The following APAF1 variants were observed in gnomAD, a reference collection of about 807,000 sequenced individuals.
The protein encoded by APAF1 is apoptotic peptidase activating factor 1.
A neutral mutation model predicts 152.4 loss-of-function variants in APAF1; 91 were observed. The observed-to-expected ratio is 0.60, with a 90% CI of 0.50 to 0.71. APAF1 has a LOEUF of 0.71. Among genes scored for constraint, APAF1 ranks in the 30% least tolerant of loss-of-function variants. The probability of loss-of-function intolerance (pLI) is 0.00; values close to 1 mark genes in which losing one functional copy is unlikely to be tolerated. For synonymous variants in APAF1, 484 were observed against 494.1 expected, an observed-to-expected ratio of 0.98 and a Z score of 0.27; for missense variants, 1,283 against 1,472.0, an observed-to-expected ratio of 0.87 and a Z score of 2.10.
At chr12:98,695,082 T>C (rs1158116319) in intron 16 of APAF1, among the ~76,000 whole-genome samples, 1 of 152,120 alleles carries the variant, frequency 6.6e-6, no homozygotes, top group Non-Finnish European at 1.5e-5. Context: ...AGATGGAGTC[T>C]TGCTCTGTTG....
chr12:98,687,922 G>A (rs936957305), intron 16 of APAF1, among the ~76,000 whole-genome samples: 4 of 151,852 alleles, frequency 2.6e-5, no homozygotes, highest in East Asian at 1.9e-4. Context: ...AGCGATTCTC[G>A]TGCCCCAGTC....
At chr12:98,726,389 C>T (rs1381577119) in intron 25 of APAF1, 10 of 152,338 alleles carry the variant, frequency 6.6e-5, no homozygotes, top group Admixed American at 6.5e-4. Flanking sequence ...ACTTTGGTAA[C>T]CAGTGTAGAT....
At chr12:98,699,637 T>C in intron 17 of APAF1, 68 bp downstream of exon 17, 1 of 1,544,776 alleles carries the variant, frequency 6.5e-7, no homozygotes, top group South Asian at 1.1e-5. Flanking sequence ...CATTTTTGCA[T>C]TTTACAATGT....
chr12:98,667,841 A>G (rs1241025095), intron 10 of APAF1, among the ~76,000 whole-genome samples, 197 bp downstream of exon 10: 1 of 129,670 alleles, frequency 7.7e-6, no homozygotes, highest in Non-Finnish European at 1.5e-5. Flanking sequence ...GCACAATCTC[A>G]GCTCATTACA....
Position 98,732,819 on chromosome 12 carries a change from C to T in APAF1, c.*253C>T, listed in dbSNP as rs2097764240. 1 of 429,108 alleles carries T rather than the reference C, an allele frequency of 2.3e-6. No homozygotes were observed. The highest frequency in any genetic ancestry group is 4.2e-6 in the Non-Finnish European group (1 of 237,020). 26.6% of individuals were successfully genotyped at this position (429,108 alleles called of 1,614,324 possible). A position where few individuals can be genotyped will look rare whatever the true frequency, so the allele number is the denominator to read the frequency against. On this transcript the variant is annotated 3_prime_UTR_variant, in exon 27 of 27. Coordinates refer to ENST00000551964, the MANE Select transcript of APAF1 (RefSeq NM_181861.2). ...TGCAAATGAAAATGTGAATACATAC[C>T]TTGTTGTACTGTTGGTAAAATTCTG...
intron 16 of APAF1, among the ~76,000 whole-genome samples, chr12:98,688,326 A>C (rs979341891): frequency 1.3e-5 from 2 of 151,688 alleles, no homozygotes; most frequent in African/African-American, 4.8e-5. Context: ...CTTGGTCTAC[A>C]TTTTTCCCTC....
At chr12:98,695,500 G>GTGCAGGTGT (rs2153331832) in intron 16 of APAF1, among the ~76,000 whole-genome samples, 2 of 152,274 alleles carry the variant, frequency 1.3e-5, no homozygotes, top group South Asian at 4.1e-4. Context: ...GAGGAGCTGG[G>GTGCAGGTGT]ACTACAGGTG....
intron 4 of APAF1, among the ~76,000 whole-genome samples, chr12:98,654,617 A>G (rs575707221): frequency 6.6e-6 from 1 of 152,020 alleles, no homozygotes; most frequent in African/African-American, 2.4e-5. Context: ...CATGTTGGCC[A>G]GGTTGGTTTC....
chr12:98,694,058 G>T (rs1341090357), intron 16 of APAF1, among the ~76,000 whole-genome samples: 1 of 152,044 alleles, frequency 6.6e-6, no homozygotes, highest in Non-Finnish European at 1.5e-5. Flanking sequence ...ATGGTGCTGG[G>T]ATAACTGGCT....
intron 10 of APAF1, among the ~76,000 whole-genome samples, chr12:98,669,221 A>G (rs1454065473): frequency 6.6e-6 from 1 of 152,032 alleles, no homozygotes; most frequent in African/African-American, 2.4e-5. Context: ...ATTCTTGTTT[A>G]TCTTTGTACC....
At position 98,714,775 on chromosome 12, in the gene APAF1, G is replaced by A. The variant is rs1039159126; in HGVS notation, c.2959-652G>A. On this transcript the variant is annotated intron_variant, in intron 21 of 26. Coordinates refer to ENST00000551964, the MANE Select transcript of APAF1 (RefSeq NM_181861.2). ...GGCTTTCTTGAGTACATTTTAATTTGGTCAATGAAACATATTTCCTCTCTT... is the reference window on the plus strand; with the variant it reads ...GGCTTTCTTGAGTACATTTTAATTTAGTCAATGAAACATATTTCCTCTCTT... 4.6e-5 allele frequency among the ~76,000 whole-genome samples: 7 copies of A among 150,680 alleles called. No homozygotes were observed. The South Asian group carries it at 1.5e-3, about 32-fold the overall frequency.
Position 98,648,825 on chromosome 12 carries a change from C to A in APAF1, c.328+10C>A. On this transcript the variant is annotated intron_variant, in intron 3 of 26. Transcript: ENST00000551964. Reference sequence around the variant, plus strand: ...GGAATAACTTCGTATGGTTTGTATCCATTATACCTTCTATCACTTTGCTAT... The same window carrying A: ...GGAATAACTTCGTATGGTTTGTATCAATTATACCTTCTATCACTTTGCTAT... 2.5e-6 allele frequency: 4 copies of A among 1,610,834 alleles called. No homozygotes were observed. The highest frequency in any genetic ancestry group is 3.4e-6 in the Non-Finnish European group (4 of 1,177,516).
intron 7 of APAF1, among the ~76,000 whole-genome samples, chr12:98,663,615 C>T (rs1259327522): frequency 1.3e-5 from 2 of 151,984 alleles, no homozygotes; most frequent in Admixed American, 1.3e-4. Flanking sequence ...AAAATTATTT[C>T]TTTCATTATT....
At chr12:98,647,940 A>T (rs2097643892) in intron 1 of APAF1, among the ~76,000 whole-genome samples, 1 of 151,824 alleles carries the variant, frequency 6.6e-6, no homozygotes, top group Non-Finnish European at 1.5e-5. Context: ...ATGTGCTGGG[A>T]TTATAGGCTT....
At chr12:98,679,567 T>C (rs1011296850) in intron 13 of APAF1, among the ~76,000 whole-genome samples, 8 of 152,258 alleles carry the variant, frequency 5.3e-5, no homozygotes, top group Non-Finnish European at 8.8e-5. Context: ...TGCCCCTTGC[T>C]TGCCGCATTG....
chr12:98,721,293 C>T (rs532976491), intron 22 of APAF1, among the ~76,000 whole-genome samples: 5 of 152,338 alleles, frequency 3.3e-5, no homozygotes, highest in African/African-American at 9.6e-5. Flanking sequence ...GTTATATCTG[C>T]TCCAGAAGGC....
chr12:98,723,147 T>A (rs780979961), intron 22 of APAF1, 46 bp from the exon 23 acceptor site: 1 of 1,598,660 alleles, frequency 6.3e-7, no homozygotes, highest in Non-Finnish European at 8.6e-7. Flanking sequence ...TCCAATGAGA[T>A]AGGATCGGGG....
intron 16 of APAF1, among the ~76,000 whole-genome samples, chr12:98,696,171 G>A (rs1442604636): frequency 2.6e-5 from 4 of 152,124 alleles, no homozygotes; most frequent in Admixed American, 2.6e-4. Context: ...AAGAAAAGGG[G>A]TTTACTTGGC....
At chr12:98,694,981 C>CTTTA in intron 16 of APAF1, among the ~76,000 whole-genome samples, 1 of 148,434 alleles carries the variant, frequency 6.7e-6, no homozygotes, top group Non-Finnish European at 1.5e-5. Flanking sequence ...ATGTCAAAGT[C>CTTTA]TTTATATCTT....
Sources: gnomAD v4.1 joint callset for allele counts (sites outside exome capture counted in the v4.1 genomes callset) on GRCh38, gnomAD v4.1.1 for gene constraint, MANE v1.5 for transcripts, NCBI Gene and HGNC (gene_info 2026-07-23, HGNC 2026-07-21) for gene names.